NFIL3: variants seen among roughly 807,000 people sequenced by gnomAD.
The protein encoded by NFIL3 is nuclear factor, interleukin 3 regulated.
NFIL3 carries 5 observed loss-of-function variants against 10.0 expected under a neutral mutation model. The observed-to-expected ratio is 0.50, with a 90% CI of 0.26 to 1.06. NFIL3 has a LOEUF of 1.06. NFIL3 is among the 50% of genes least tolerant of loss of function. The pLI, the probability that NFIL3 is intolerant of heterozygous loss-of-function variation, is 0.13. For synonymous variants in NFIL3, 202 were observed against 206.5 expected, an observed-to-expected ratio of 0.98 and a Z score of 0.19; for missense variants, 436 against 547.6, an observed-to-expected ratio of 0.80 and a Z score of 2.03.
At chr9:91,475,732 GAGA>G in the NFIL3 span, among the ~76,000 whole-genome samples, 1 of 152,188 alleles carries the variant, frequency 6.6e-6, no homozygotes, top group Non-Finnish European at 1.5e-5. Context: ...TGTTGGAAAT[GAGA>G]AAGGCCATAT....
the NFIL3 span, among the ~76,000 whole-genome samples, chr9:91,474,686 T>A: frequency 2.0e-5 from 3 of 152,156 alleles, no homozygotes; most frequent in African/African-American, 7.2e-5. Flanking sequence ...ATCCTGGGAA[T>A]CCTAACACTC....
At chr9:91,412,549 A>G (rs988945882) in intron 1 of NFIL3, among the ~76,000 whole-genome samples, 1 of 152,136 alleles carries the variant, frequency 6.6e-6, no homozygotes, top group African/African-American at 2.4e-5. Context: ...TACCCTACTA[A>G]AAAGATGTAA....
the NFIL3 span, among the ~76,000 whole-genome samples, chr9:91,470,615 G>T: frequency 1.2e-4 from 18 of 152,130 alleles, no homozygotes; most frequent in East Asian, 3.5e-3. Context: ...TGATGTTAGG[G>T]TGTCAATTTT....
At chr9:91,479,282 T>C in the NFIL3 span, among the ~76,000 whole-genome samples, 2 of 152,158 alleles carry the variant, frequency 1.3e-5, no homozygotes, top group Non-Finnish European at 2.9e-5. Context: ...CCCAGGGAGA[T>C]GGGAGTTTTA....
chr9:91,415,070 T>C (rs529850258), intron 1 of NFIL3, among the ~76,000 whole-genome samples: 3 of 152,294 alleles, frequency 2.0e-5, no homozygotes, highest in South Asian at 4.1e-4. Context: ...TCAACACATA[T>C]GGAGCACCTA....
upstream of NFIL3, among the ~76,000 whole-genome samples, chr9:91,428,222 T>C (rs1397531939): frequency 6.6e-6 from 1 of 152,212 alleles, no homozygotes; most frequent in Non-Finnish European, 1.5e-5. Flanking sequence ...GTTGACCTTT[T>C]TTCTTTTTAA....
the NFIL3 span, among the ~76,000 whole-genome samples, chr9:91,443,962 T>C: frequency 6.6e-6 from 1 of 152,210 alleles, no homozygotes; most frequent in Non-Finnish European, 1.5e-5. Flanking sequence ...AATCTAGACA[T>C]TAATATCTTT....
intron 1 of NFIL3, among the ~76,000 whole-genome samples, chr9:91,422,633 G>C (rs1387184532): frequency 6.6e-6 from 1 of 152,142 alleles, no homozygotes; most frequent in African/African-American, 2.4e-5. Flanking sequence ...TATGTGATTT[G>C]TCTTGTCGTG....
chr9:91,433,891 TAAG>T, the NFIL3 span, among the ~76,000 whole-genome samples: 4 of 151,908 alleles, frequency 2.6e-5, no homozygotes, highest in Non-Finnish European at 5.9e-5. Context: ...TTATTCACAA[TAAG>T]AAAAACTATC....
chr9:91,411,065 A>G (rs993747163), intron 1 of NFIL3, among the ~76,000 whole-genome samples, 159 bp from the exon 2 acceptor site: 6 of 152,258 alleles, frequency 3.9e-5, no homozygotes, highest in South Asian at 2.1e-4. Context: ...CAAAAAGGAA[A>G]TAAGTTCCCA....
At chr9:91,432,554 A>G in the NFIL3 span, among the ~76,000 whole-genome samples, 2 of 152,266 alleles carry the variant, frequency 1.3e-5, no homozygotes, top group Non-Finnish European at 2.9e-5. Context: ...TAGCAGAGAA[A>G]GATGACTCTC....
the NFIL3 span, among the ~76,000 whole-genome samples, chr9:91,474,162 T>C: frequency 6.6e-6 from 1 of 151,856 alleles, no homozygotes. Context: ...TGAATGGGTG[T>C]TGGATTTTGT....
rs1020391456 is a variant in NFIL3 at position 91,409,744 on chromosome 9, C to T, written c.991G>A (p.Ala331Thr). The T allele has an allele frequency of 6.2e-7, 1 of 1,614,184 alleles. No homozygotes were observed. The highest frequency in any genetic ancestry group is 8.5e-7 in the Non-Finnish European group (1 of 1,180,026). The change falls in exon 2 of 2, where the codon GCC becomes ACC. Residue 331 changes from alanine (A) to threonine (T), a missense_variant. This residue lies in a region of NFIL3 where 338 missense variants were observed against 399.9 expected (regional missense o/e 0.85). Coordinates refer to ENST00000297689, the MANE Select transcript of NFIL3 (RefSeq NM_005384.3). ...TCTACTTTGATCTGCATGGCTTTGG[C>T]TTTGATCCGGAGCTTGTGTGGCAAG... ...SALPHKLRIK[A>T]KAMQIKVEAF...
intron 1 of NFIL3, among the ~76,000 whole-genome samples, chr9:91,412,326 T>TAA (rs1833569475): frequency 6.6e-6 from 1 of 152,140 alleles, no homozygotes; most frequent in South Asian, 2.1e-4. Context: ...ATGAAATACT[T>TAA]ACACTACAAA....
chr9:91,463,230 C>G, the NFIL3 span, among the ~76,000 whole-genome samples: 1 of 151,474 alleles, frequency 6.6e-6, no homozygotes, highest in Non-Finnish European at 1.5e-5. Context: ...TCAGTTTGCT[C>G]TAGGCTTAAA....
At chr9:91,475,577 A>G in the NFIL3 span, among the ~76,000 whole-genome samples, 2 of 152,228 alleles carry the variant, frequency 1.3e-5, no homozygotes, top group Non-Finnish European at 2.9e-5. Flanking sequence ...CAAAATAAAA[A>G]TAGCAAGAAG....
At chr9:91,453,181 C>T in the NFIL3 span, among the ~76,000 whole-genome samples, 2 of 152,194 alleles carry the variant, frequency 1.3e-5, no homozygotes, top group South Asian at 4.1e-4. Context: ...TGTGGCTTCA[C>T]ATGGTTTTTC....
rs1833489181 is a variant in NFIL3, at chr9:91,409,247, T to C, written c.*99A>G. 1.8e-6 allele frequency: 2 copies of C among 1,122,016 alleles called. No homozygotes were observed. Among genetic ancestry groups the C allele is most frequent in the Admixed American group, 2.7e-5 (1 of 36,680 alleles). The allele number at this position is 1,122,016 out of a possible 1,614,324, so 69.5% of individuals were successfully genotyped here. A position where few individuals can be genotyped will look rare whatever the true frequency, so the allele number is the denominator to read the frequency against. On this transcript the variant is annotated 3_prime_UTR_variant, in exon 2 of 2. Transcript: ENST00000297689. ...ACAACATGTGCACATCACAGTGAAA[T>C]GACATCACAGGTCCAGTGAAAATTC...
the NFIL3 span, among the ~76,000 whole-genome samples, chr9:91,443,261 G>A: frequency 1.3e-5 from 2 of 152,194 alleles, no homozygotes; most frequent in African/African-American, 4.8e-5. Context: ...CCTGGAAAAA[G>A]CGCCGTAAGT....
Sources: allele counts gnomAD v4.1 joint callset (sites outside exome capture counted in the v4.1 genomes callset), GRCh38; gene constraint gnomAD v4.1.1; regional missense constraint gnomAD v4.1.1; transcripts MANE v1.5; gene names NCBI Gene and HGNC (gene_info 2026-07-23, HGNC 2026-07-21).